The following ADTRP variants were observed in gnomAD, a reference collection of about 807,000 sequenced individuals.
ADTRP encodes the protein androgen-dependent TFPI-regulating protein.
In ADTRP, 20 loss-of-function variants were observed where a neutral mutation model predicts 27.0. The ratio of observed to expected loss-of-function variants is 0.74; its 90% CI spans 0.52 to 1.08. ADTRP has a LOEUF of 1.08. Ranked by LOEUF, ADTRP falls within the 50% of genes least tolerant of loss-of-function variation. ADTRP has a pLI of 0.00. For synonymous variants in ADTRP, 101 were observed against 105.2 expected (o/e 0.96, Z 0.25); for missense variants, 251 against 275.0 (o/e 0.91, Z 0.62).
At chr6:11,752,651 T>G (rs779217173) in intron 3 of ADTRP, among the ~76,000 whole-genome samples, 1 of 152,240 alleles carries the variant, frequency 6.6e-6, no homozygotes, top group Non-Finnish European at 1.5e-5. Flanking sequence ...ATGAAGTGTG[T>G]GATTCCTAGG....
chr6:11,770,829 C>G (rs1006580208), intron 1 of ADTRP, among the ~76,000 whole-genome samples: 1 of 152,180 alleles, frequency 6.6e-6, no homozygotes, highest in African/African-American at 2.4e-5. Context: ...CACTTCCAGC[C>G]GCTCAGGCCG....
chr6:11,763,941 G>C (rs1561770375), intron 3 of ADTRP, among the ~76,000 whole-genome samples: 1 of 152,244 alleles, frequency 6.6e-6, no homozygotes, highest in Non-Finnish European at 1.5e-5. Flanking sequence ...AGATGGATCT[G>C]TTGAGAGTTT....
At chr6:11,746,878 C>G (rs543886952) in intron 3 of ADTRP, among the ~76,000 whole-genome samples, 1 of 152,278 alleles carries the variant, frequency 6.6e-6, no homozygotes, top group East Asian at 1.9e-4. Context: ...GCTCAACCTC[C>G]TGCTCAGCGG....
Position 11,766,020 on chromosome 6 carries a change from T to G in ADTRP, c.390+254A>C, listed in dbSNP as rs981838934. Among the ~76,000 whole-genome samples, 4 of 152,228 alleles carry G rather than the reference T, an allele frequency of 2.6e-5. No individual in the cohort carries two copies. In the East Asian group the frequency reaches 5.8e-4, roughly 22 times the overall value. ...TCAGGCCTGTCCTCTCAGAACTGTG[T>G]GTCTTTTCAAAGACTTCCTAAGCAA... On this transcript the variant is annotated intron_variant, in intron 3 of 5. Coordinates refer to ENST00000414691, the MANE Select transcript of ADTRP (RefSeq NM_032744.4).
At position 11,714,515 on chromosome 6, in the gene ADTRP, G is replaced by A. The variant is rs1211003146; in HGVS notation, c.659-3C>T. 1 of 1,612,918 alleles carries A rather than the reference G, an allele frequency of 6.2e-7. No homozygotes were observed. Among genetic ancestry groups the A allele is most frequent in the Non-Finnish European group, 8.5e-7 (1 of 1,179,704 alleles). On this transcript the variant is annotated splice_polypyrimidine_tract_variant and splice_region_variant and intron_variant, in intron 5 of 5. Transcript: ENST00000414691. ...CTTCCGTGGCTGCCTCATGTCACCTGTACAAACAAGAACAGAGACAGACCT... is the reference window on the plus strand; with the variant it reads ...CTTCCGTGGCTGCCTCATGTCACCTATACAAACAAGAACAGAGACAGACCT...
intron 3 of ADTRP, among the ~76,000 whole-genome samples, chr6:11,740,994 T>C (rs1023994794): frequency 6.6e-6 from 1 of 152,138 alleles, no homozygotes; most frequent in African/African-American, 2.4e-5. Flanking sequence ...GAGAATTGGG[T>C]TTGTAAAAAT....
At chr6:11,754,954 G>A (rs1763166838) in intron 3 of ADTRP, 3 of 871,862 alleles carry the variant, frequency 3.4e-6, no homozygotes, top group Non-Finnish European at 4.1e-6. Context: ...TGGGAGTTTG[G>A]CTCTTTCCTT....
rs1460867379 is a variant in ADTRP, at chr6:11,723,454, A to G, written c.553T>C (p.Phe185Leu). Reference sequence around the variant, plus strand: ...AGACCCAAGAGGCTGAGTTTGGCAAACACAGGATACACCCAGGTACCCGTC... The same window carrying G: ...AGACCCAAGAGGCTGAGTTTGGCAAGCACAGGATACACCCAGGTACCCGTC... ...FETGTWVYPV[F>L]AKLSLLGLAA... is the part of the protein sequence containing the mutation. Residue 185 changes from phenylalanine (F) to leucine (L), a missense_variant, in exon 5 of 6, where the codon TTT becomes CTT. Phe to Leu is a conservative substitution (Grantham distance 22). Transcript: ENST00000414691. 1.2e-6 allele frequency: 2 copies of G among 1,614,174 alleles called. No individual in the cohort carries two copies. Among genetic ancestry groups the G allele is most frequent in the Admixed American group, 1.7e-5 (1 of 60,020 alleles).
intron 3 of ADTRP, among the ~76,000 whole-genome samples, chr6:11,759,085 C>T (rs909270383): frequency 7.9e-5 from 12 of 152,124 alleles, no homozygotes; most frequent in Non-Finnish European, 1.2e-4. Flanking sequence ...ATGGGGCTGG[C>T]GTAGTGACTC....
intron 1 of ADTRP, among the ~76,000 whole-genome samples, chr6:11,769,497 A>C (rs1173384410): frequency 1.3e-5 from 2 of 152,176 alleles, no homozygotes; most frequent in Non-Finnish European, 2.9e-5. Flanking sequence ...TTAGAAATGC[A>C]GGACCTCCAT....
chr6:11,735,530 C>T (rs767616585), intron 4 of ADTRP, 38 bp downstream of exon 4: 65 of 1,517,740 alleles, frequency 4.3e-5, no homozygotes, highest in African/African-American at 6.9e-5. Flanking sequence ...GGGTCTTGAA[C>T]GACAAGCCTA....
chr6:11,741,435 TG>T (rs1311233035), intron 3 of ADTRP, among the ~76,000 whole-genome samples: 1 of 152,222 alleles, frequency 6.6e-6, no homozygotes, highest in African/African-American at 2.4e-5. Flanking sequence ...TTTACTGATC[TG>T]GAAAGAGAAA....
chr6:11,777,752 A>G (rs10947559), intron 1 of ADTRP, among the ~76,000 whole-genome samples: 114,879 of 151,992 alleles, frequency 0.76, 44,666 homozygotes, highest in Non-Finnish European at 0.85. Context: ...TCAGAGTGTC[A>G]CAGTTTCTGA....
intron 3 of ADTRP, among the ~76,000 whole-genome samples, chr6:11,738,119 G>C (rs1229871301): frequency 6.6e-6 from 1 of 152,210 alleles, no homozygotes; most frequent in Admixed American, 6.5e-5. Context: ...GAGAGCTTCA[G>C]TGAGCATTTG....
At chr6:11,772,993 C>T (rs748979545) in intron 1 of ADTRP, among the ~76,000 whole-genome samples, 32 of 152,282 alleles carry the variant, frequency 2.1e-4, no homozygotes, top group Middle Eastern at 3.4e-3. Context: ...CTGAGGACAA[C>T]GGGCTTCAGT....
At chr6:11,717,485 T>C in intron 5 of ADTRP, 3 of 1,246,768 alleles carry the variant, frequency 2.4e-6, no homozygotes, top group Non-Finnish European at 3.1e-6. Context: ...TTATATGCCT[T>C]ATTATTCCAA....
chr6:11,722,407 C>T (rs1026075712), intron 5 of ADTRP, among the ~76,000 whole-genome samples: 1 of 152,104 alleles, frequency 6.6e-6, no homozygotes, highest in African/African-American at 2.4e-5. Flanking sequence ...TATGTTTTCA[C>T]ACCAGTTCAT....
In ADTRP at chr6:11,747,143, C is replaced by A. The variant is rs1046733546; in HGVS notation, c.391-11460G>T. Among the ~76,000 whole-genome samples, 4 of 152,346 alleles carry A rather than the reference C, an allele frequency of 2.6e-5. No homozygotes were observed. The South Asian group carries it at 8.3e-4, about 32-fold the overall frequency. ...TCCCATGGCCAAGAAATGTGGCTCACTTCCTTATCATGGTCTTCTCAGGAA... is the reference window on the plus strand; with the variant it reads ...TCCCATGGCCAAGAAATGTGGCTCAATTCCTTATCATGGTCTTCTCAGGAA... On this transcript the variant is annotated intron_variant, in intron 3 of 5. Coordinates refer to ENST00000414691, the MANE Select transcript of ADTRP (RefSeq NM_032744.4).
intron 1 of ADTRP, among the ~76,000 whole-genome samples, chr6:11,776,296 T>C (rs1205085217): frequency 6.6e-6 from 1 of 152,192 alleles, no homozygotes; most frequent in Non-Finnish European, 1.5e-5. Context: ...TGCTTGAGGA[T>C]GCAGAAAGGC....
Sources: gnomAD v4.1 joint callset for allele counts (sites outside exome capture counted in the v4.1 genomes callset) on GRCh38, gnomAD v4.1.1 for gene constraint, MANE v1.5 for transcripts, NCBI Gene and HGNC (gene_info 2026-07-23, HGNC 2026-07-21) for gene names.